The following METTL15 variants were observed in gnomAD, a reference collection of about 807,000 sequenced individuals.
METTL15 encodes 12S rRNA N(4)-cytidine methyltransferase METTL15.
Under a neutral mutation model 38.3 loss-of-function variants are expected in METTL15, and 34 were observed. The observed-to-expected ratio is 0.89, with a 90% CI of 0.68 to 1.18. The LOEUF is 1.18. Among genes scored for constraint, METTL15 ranks in the 50% most tolerant of loss-of-function variants. The pLI is 0.00. For synonymous variants in METTL15, 162 were observed against 170.9 expected (o/e 0.95, Z 0.41); for missense variants, 438 against 498.4 (o/e 0.88, Z 1.15).
chr11:28,437,721 C>T (rs1850995503), intron 6 of METTL15, among the ~76,000 whole-genome samples: 1 of 152,200 alleles, frequency 6.6e-6, no homozygotes, highest in East Asian at 1.9e-4. Flanking sequence ...TTGCCTAGTA[C>T]TAGAATGAAT....
At chr11:28,437,969 G>A (rs921827585) in intron 6 of METTL15, among the ~76,000 whole-genome samples, 1 of 152,132 alleles carries the variant, frequency 6.6e-6, no homozygotes, top group African/African-American at 2.4e-5. Context: ...TTAGTTCAGT[G>A]CCTTGTACAT....
intron 3 of METTL15, among the ~76,000 whole-genome samples, chr11:28,173,229 C>G (rs1363291250): frequency 6.6e-6 from 1 of 152,104 alleles, no homozygotes; most frequent in Non-Finnish European, 1.5e-5. Context: ...TGTTGCAATT[C>G]TTACCTCCAG....
intron 4 of METTL15, among the ~76,000 whole-genome samples, chr11:28,274,648 T>G (rs1190815063): frequency 6.6e-6 from 1 of 152,046 alleles, no homozygotes; most frequent in Non-Finnish European, 1.5e-5. Flanking sequence ...TTTGAACTAA[T>G]GTATGGTTTC....
intron 4 of METTL15, among the ~76,000 whole-genome samples, chr11:28,251,043 T>C (rs1248044095): frequency 6.6e-6 from 1 of 152,058 alleles, no homozygotes; most frequent in East Asian, 1.9e-4. Context: ...TTTCCTTCAA[T>C]CACCTTTGAA....
chr11:28,129,297 G>A (rs1460044861), intron 3 of METTL15, among the ~76,000 whole-genome samples: 1 of 152,078 alleles, frequency 6.6e-6, no homozygotes, highest in Non-Finnish European at 1.5e-5. Context: ...ATTTTATATA[G>A]TGATTTTGTG....
At chr11:28,424,190 G>A (rs746855856) in intron 5 of METTL15, 4 of 152,050 alleles carry the variant, frequency 2.6e-5, no homozygotes, top group Non-Finnish European at 5.9e-5. Context: ...TCTTAAACTA[G>A]TCTTGCTAAT....
intron 4 of METTL15, among the ~76,000 whole-genome samples, chr11:28,219,973 A>T (rs1853114591): frequency 6.6e-6 from 1 of 152,116 alleles, no homozygotes. Flanking sequence ...TGAGTGCTTT[A>T]TTTCCAACTA....
intron 4 of METTL15, among the ~76,000 whole-genome samples, chr11:28,281,059 T>C (rs937441414): frequency 4.6e-5 from 7 of 152,176 alleles, no homozygotes; most frequent in African/African-American, 1.7e-4. Context: ...TTATTTTATT[T>C]CACACATTGT....
At position 28,235,220 on chromosome 11, in the gene METTL15, A is replaced by G. The variant is rs549578567; in HGVS notation, c.407+24022A>G. ...TTTGGTTACTGTAGCCTTGTAGTATAGTTTGAAGTCAGGTAGCGTGATGCC... is the reference window on the plus strand; with the variant it reads ...TTTGGTTACTGTAGCCTTGTAGTATGGTTTGAAGTCAGGTAGCGTGATGCC... On this transcript the variant is annotated intron_variant, in intron 4 of 6. Transcript: ENST00000407364. 5.3e-5 allele frequency among the ~76,000 whole-genome samples: 8 copies of G among 152,088 alleles called. No individual in the cohort carries two copies. In the South Asian group the frequency reaches 1.2e-3, roughly 24 times the overall value.
chr11:28,417,825 T>C (rs1850786362), intron 5 of METTL15, among the ~76,000 whole-genome samples: 2 of 152,154 alleles, frequency 1.3e-5, no homozygotes, highest in African/African-American at 4.8e-5. Flanking sequence ...ATCTGGAACA[T>C]TAAGGAAATG....
chr11:28,489,767 G>A (rs1395596970), intron 6 of METTL15, among the ~76,000 whole-genome samples: 1 of 152,118 alleles, frequency 6.6e-6, no homozygotes, highest in Non-Finnish European at 1.5e-5. Context: ...GCTATATTGT[G>A]AGAATAATAT....
chr11:28,503,422 C>T lies in METTL15; in HGVS notation c.*425-23056C>T, dbSNP rs1481123615. 2.0e-5 allele frequency among the ~76,000 whole-genome samples: 3 copies of T among 152,176 alleles called. No homozygotes were observed. The South Asian group carries it at 6.2e-4, about 32-fold the overall frequency. ...GAAACCGTATAAGATAGACACTATT[C>T]TCAACATTTTACTGGTGATAAAATT... On this transcript the variant is annotated intron_variant and NMD_transcript_variant, in intron 6 of 7. Transcript: ENST00000532947.
At chr11:28,283,137 A>G (rs1053026009) in intron 4 of METTL15, among the ~76,000 whole-genome samples, 4 of 152,164 alleles carry the variant, frequency 2.6e-5, no homozygotes, top group African/African-American at 9.7e-5. Flanking sequence ...ACATCCTAGG[A>G]GGATAAACGA....
intron 3 of METTL15, among the ~76,000 whole-genome samples, chr11:28,204,006 T>C (rs1233570311): frequency 6.6e-6 from 1 of 152,074 alleles, no homozygotes; most frequent in African/African-American, 2.4e-5. Flanking sequence ...CCTGTGGTAA[T>C]GAGTCTTATA....
intron 4 of METTL15, among the ~76,000 whole-genome samples, chr11:28,267,744 A>C (rs1014672436): frequency 1.3e-5 from 2 of 152,208 alleles, no homozygotes; most frequent in African/African-American, 4.8e-5. Flanking sequence ...GCTGAAGTCA[A>C]TATCTGGTAA....
chr11:28,285,953 G>A (rs1856244513), intron 4 of METTL15, among the ~76,000 whole-genome samples: 1 of 152,080 alleles, frequency 6.6e-6, no homozygotes, highest in Admixed American at 6.6e-5. Context: ...TGTACACAAA[G>A]TAGTGTAGCT....
At chr11:28,193,103 T>C (rs564465804) in intron 3 of METTL15, among the ~76,000 whole-genome samples, 1 of 152,272 alleles carries the variant, frequency 6.6e-6, no homozygotes, top group South Asian at 2.1e-4. Context: ...TAAGCCATTC[T>C]ATCTCAGGAG....
intron 5 of METTL15, among the ~76,000 whole-genome samples, chr11:28,395,947 C>G (rs1850563650): frequency 6.6e-6 from 1 of 152,130 alleles, no homozygotes; most frequent in Non-Finnish European, 1.5e-5. Context: ...TCAACATACA[C>G]AAATCAATAA....
At chr11:28,314,866 G>C (rs1590311296) in intron 6 of METTL15, among the ~76,000 whole-genome samples, 2 of 152,164 alleles carry the variant, frequency 1.3e-5, no homozygotes, top group South Asian at 4.1e-4. Context: ...AACGGGAGAT[G>C]CCCTGCACAA....
Sources: gnomAD v4.1 joint callset for allele counts (sites outside exome capture counted in the v4.1 genomes callset) on GRCh38, gnomAD v4.1.1 for gene constraint, MANE v1.5 for transcripts, NCBI Gene and HGNC (gene_info 2026-07-23, HGNC 2026-07-21) for gene names.